Variants in KAT7 observed in about 807,000 individuals in gnomAD.
The protein encoded by KAT7 is histone acetyltransferase KAT7.
In KAT7, 10 loss-of-function variants were observed where a neutral mutation model predicts 82.1. The observed-to-expected ratio is 0.12, with a 90% confidence interval of 0.08 to 0.21. The LOEUF is 0.21. Ranked by LOEUF, KAT7 falls within the 10% of genes least tolerant of loss-of-function variation. The probability of loss-of-function intolerance (pLI) is 1.00; values close to 1 mark genes in which losing one functional copy is unlikely to be tolerated. For missense variants in KAT7, 378 were observed against 760.9 expected, an observed-to-expected ratio of 0.50 and a Z score of 5.92; for synonymous variants, 250 against 262.5, an observed-to-expected ratio of 0.95 and a Z score of 0.46.
chr17:49,796,740 T>C lies in KAT7; in HGVS notation c.164-10T>C, dbSNP rs1295665389. ...CTTTTTTCTTTATTTTCTTTTAAAA[T>C]TGGGATCAGATTCCAGTCCTGTTCG... is the stretch of plus-strand genomic sequence containing the variant. On this transcript the variant is annotated splice_polypyrimidine_tract_variant and intron_variant, in intron 2 of 14. Coordinates refer to ENST00000259021, the MANE Select transcript of KAT7 (RefSeq NM_007067.5). The C allele has an allele frequency of 6.5e-7, 1 of 1,532,840 alleles. No homozygotes were observed. The highest frequency in any genetic ancestry group is 2.0e-5 in the Admixed American group (1 of 50,678). 95.0% of individuals were successfully genotyped at this position (1,532,840 alleles called of 1,614,324 possible). A position where few individuals can be genotyped will look rare whatever the true frequency, so the allele number is the denominator to read the frequency against.
At position 49,831,663 on chromosome 17, in the gene KAT7, A is replaced by G. The variant is rs1295935502; in HGVS notation, c.*4161A>G. The G allele has an allele frequency of 6.6e-6, 1 of 151,976 alleles. No individual in the cohort carries two copies. The highest frequency in any genetic ancestry group is 1.5e-5 in the Non-Finnish European group (1 of 68,020). 9.4% of individuals were successfully genotyped at this position (151,976 alleles called of 1,614,324 possible). ...TATCTGGGGATAATGAGTCATATTA[A>G]GTAATTTTTTTTTTTGAGACGGAGT... On this transcript the variant is annotated 3_prime_UTR_variant, in exon 15 of 15. Transcript: ENST00000259021.
rs2074413962 is a variant in KAT7, at chr17:49,830,216, GAC to G, written c.*2716_*2717del. ...TTTTTTTTTTTTTTTTTTAAAAAAA[GAC>G]AGTCTCACTCTATCATCCAGTCCGG... On this transcript the variant is annotated 3_prime_UTR_variant, in exon 15 of 15. Transcript: ENST00000259021. 4 of 57,748 alleles carry G rather than the reference GAC, an allele frequency of 6.9e-5. No individual in the cohort carries two copies. Among genetic ancestry groups the G allele is most frequent in the Admixed American group, 2.4e-4 (1 of 4,128 alleles). 3.6% of individuals were successfully genotyped at this position (57,748 alleles called of 1,614,324 possible).
At position 49,796,864 on chromosome 17, in the gene KAT7, C is replaced by T; in HGVS notation, c.278C>T (p.Pro93Leu). ...ACCCCAGTGACACCGAAAAAATACC[C>T]TCTTCGGCAGACTCGTTCATCTGGT... ...QPTPVTPKKY[P>L]LRQTRSSGSE... Residue 93 changes from proline to leucine, a missense_variant, in exon 3 of 15, where the codon CCT (proline) becomes CTT (leucine). Transcript: ENST00000259021. 1 of 1,614,176 alleles carries T rather than the reference C, an allele frequency of 6.2e-7. No homozygotes were observed. Among genetic ancestry groups the T allele is most frequent in the Non-Finnish European group, 8.5e-7 (1 of 1,180,018 alleles).
At chr17:49,827,284 C>G in intron 14 of KAT7, 117 bp from the exon 15 acceptor site, 1 of 653,604 alleles carries the variant, frequency 1.5e-6, no homozygotes, top group South Asian at 1.8e-5. Flanking sequence ...TTTTTTGATA[C>G]CCTAATATGT....
intron 9 of KAT7, 48 bp from the exon 10 acceptor site, chr17:49,821,289 C>G (rs772094067): frequency 1.4e-6 from 2 of 1,415,068 alleles, no homozygotes; most frequent in East Asian, 2.3e-5. Flanking sequence ...GAGGAGCAGT[C>G]TTGTTGGGAG....
intron 2 of KAT7, among the ~76,000 whole-genome samples, chr17:49,792,673 A>G (rs756940394): frequency 4.6e-5 from 7 of 152,188 alleles, no homozygotes; most frequent in Non-Finnish European, 8.8e-5. Context: ...AATAAATTAT[A>G]TGCAATATTC....
At chr17:49,823,475 C>T (rs1318946338) in intron 12 of KAT7, 180 bp downstream of exon 12, 2 of 557,892 alleles carry the variant, frequency 3.6e-6, no homozygotes, top group East Asian at 3.1e-5. Context: ...ACACATTGAA[C>T]ATTGAAGGAG....
chr17:49,789,295 T>C (rs1244752945), intron 1 of KAT7: 1 of 156,556 alleles, frequency 6.4e-6, no homozygotes, highest in Non-Finnish European at 1.4e-5. Flanking sequence ...CTCGATTGGG[T>C]GGCCCGAATC....
Position 49,833,228 on chromosome 17 carries a change from C to T in KAT7, c.*5726C>T, listed in dbSNP as rs1173958326. 6.6e-6 allele frequency: 1 copy of T among 152,208 alleles called. No individual in the cohort carries two copies. Among genetic ancestry groups the T allele is most frequent in the Non-Finnish European group, 1.5e-5 (1 of 68,040 alleles). 9.4% of individuals were successfully genotyped at this position (152,208 alleles called of 1,614,324 possible). A position where few individuals can be genotyped will look rare whatever the true frequency, so the allele number is the denominator to read the frequency against. On this transcript the variant is annotated 3_prime_UTR_variant, in exon 15 of 15. Coordinates refer to ENST00000259021, the MANE Select transcript of KAT7 (RefSeq NM_007067.5). ...ATTGTACAACTCTGGCTCCATGGCT[C>T]CTCACAAATGTTCCATGTGAGATAT...
Position 49,800,922 on chromosome 17 carries a change from C to G in KAT7, c.580+2364C>G, listed in dbSNP as rs1334564298. On this transcript the variant is annotated intron_variant, in intron 4 of 14. Coordinates refer to ENST00000259021, the MANE Select transcript of KAT7 (RefSeq NM_007067.5). ...CTGCTGTGATATGGTCACATTTGAG[C>G]GGAGACTTGCTGTTGGAATATTTGA... Among the ~76,000 whole-genome samples, 5 of 152,042 alleles carry G rather than the reference C, an allele frequency of 3.3e-5. No individual in the cohort carries two copies. The South Asian group carries it at 1.0e-3, about 32-fold the overall frequency.
intron 6 of KAT7, among the ~76,000 whole-genome samples, chr17:49,810,187 G>A (rs2074144301): frequency 6.6e-6 from 1 of 152,142 alleles, no homozygotes; most frequent in Non-Finnish European, 1.5e-5. Context: ...CCCAGTGCTT[G>A]GCAGGTAAAA....
intron 12 of KAT7, chr17:49,823,576 A>G (rs1196202786): frequency 3.2e-6 from 1 of 316,292 alleles, no homozygotes; most frequent in Non-Finnish European, 5.9e-6. Context: ...TAAACAGCAC[A>G]TACATGCATG....
In KAT7 at chr17:49,799,573, C is replaced by T. The variant is rs945373237; in HGVS notation, c.580+1015C>T. On this transcript the variant is annotated intron_variant, in intron 4 of 14. Coordinates refer to ENST00000259021, the MANE Select transcript of KAT7 (RefSeq NM_007067.5). ...TGTATTTTTAGTAGAGATGGGGTTT[C>T]GCCATGTTGGTCAGGCTGGTCTCGA... Among the ~76,000 whole-genome samples the T allele has an allele frequency of 3.9e-5, 6 of 152,294 alleles. No individual in the cohort carries two copies. In the South Asian group the frequency reaches 6.2e-4, roughly 16 times the overall value.
At chr17:49,795,623 A>T in intron 2 of KAT7, 1 of 245,452 alleles carries the variant, frequency 4.1e-6, no homozygotes, top group South Asian at 7.2e-5. Context: ...GATGGGCTGA[A>T]GAAAAGGGAC....
chr17:49,809,065 A>C (rs1321559352), intron 5 of KAT7, 54 bp from the exon 6 acceptor site: 1 of 1,384,468 alleles, frequency 7.2e-7, no homozygotes, highest in East Asian at 2.3e-5. Flanking sequence ...TTATGCTTTA[A>C]GTAAACGTAG....
At chr17:49,815,961 A>C in intron 8 of KAT7, 48 bp downstream of exon 8, 1 of 1,086,330 alleles carries the variant, frequency 9.2e-7, no homozygotes, top group Non-Finnish European at 1.4e-6. Context: ...AAAGGTGCTT[A>C]GAGTTGCCAG....
chr17:49,799,020 A>C (rs2073990818), intron 4 of KAT7, among the ~76,000 whole-genome samples: 3 of 152,224 alleles, frequency 2.0e-5, no homozygotes, highest in Admixed American at 1.3e-4. Context: ...GGCCTTCTGT[A>C]ACTTTAGTAG....
intron 8 of KAT7, 68 bp downstream of exon 8, chr17:49,815,981 T>C (rs2074229169): frequency 1.1e-6 from 1 of 897,010 alleles, no homozygotes; most frequent in Non-Finnish European, 1.9e-6. Context: ...GGAAAAATGA[T>C]TGCAAATCAG....
chr17:49,800,187 A>G (rs2074006870), intron 4 of KAT7, among the ~76,000 whole-genome samples: 1 of 151,514 alleles, frequency 6.6e-6, no homozygotes, highest in African/African-American at 2.4e-5. Context: ...AATTTTTTAT[A>G]TTTTTAGTAG....
Sources: allele counts gnomAD v4.1 joint callset (sites outside exome capture counted in the v4.1 genomes callset), GRCh38; gene constraint gnomAD v4.1.1; transcripts MANE v1.5; gene names NCBI Gene and HGNC (gene_info 2026-07-23, HGNC 2026-07-21).